The following BPIFC variants were observed in gnomAD, a reference collection of about 807,000 sequenced individuals.
BPIFC encodes the protein BPI fold-containing family C protein.
In BPIFC, 60 loss-of-function variants were observed where a neutral mutation model predicts 57.6. The ratio of observed to expected loss-of-function variants is 1.04; its 90% CI spans 0.85 to 1.29. The LOEUF (loss-of-function observed/expected upper bound fraction) is 1.29. Among genes scored for constraint, BPIFC ranks in the 50% most tolerant of loss-of-function variants. BPIFC has a pLI of 0.00. For missense variants in BPIFC, 581 were observed against 600.5 expected, an observed-to-expected ratio of 0.97 and a Z score of 0.34; for synonymous variants, 243 against 224.5, an observed-to-expected ratio of 1.08 and a Z score of -0.74.
Position 32,447,206 on chromosome 22 carries a change from A to G in BPIFC, c.374+6T>C, listed in dbSNP as rs201306836. On this transcript the variant is annotated splice_donor_region_variant and intron_variant, in intron 5 of 16. Transcript: ENST00000300399. ...ACAGCTGCAGACATTTCAGTGGAAT[A>G]CTCACAAAAGTGGAGACTCGAACCC... The G allele has an allele frequency of 1.9e-6, 3 of 1,585,888 alleles. No individual in the cohort carries two copies. The highest frequency in any genetic ancestry group is 2.6e-6 in the Non-Finnish European group (3 of 1,166,160).
At position 32,461,665 on chromosome 22, in the gene BPIFC, G is replaced by A. The variant is rs1271485261; in HGVS notation, c.-88-4C>T. The A allele has an allele frequency of 2.0e-6, 2 of 985,290 alleles. No homozygotes were observed. Among genetic ancestry groups the A allele is most frequent in the Non-Finnish European group, 2.4e-6 (2 of 829,806 alleles). 61.0% of individuals were successfully genotyped at this position (985,290 alleles called of 1,614,324 possible). A position where few individuals can be genotyped will look rare whatever the true frequency, so the allele number is the denominator to read the frequency against. On this transcript the variant is annotated splice_polypyrimidine_tract_variant and splice_region_variant and intron_variant, in intron 1 of 16. Coordinates refer to ENST00000300399, the MANE Select transcript of BPIFC (RefSeq NM_174932.3). ...CTTGGAGGTTAGTCAAGGTGTCCTG[G>A]AAAGGGGGATAAGTAGAGATGAACT...
At chr22:32,419,230 C>T (rs768276552) in intron 14 of BPIFC, 132 bp downstream of exon 14, 174 of 951,028 alleles carry the variant, frequency 1.8e-4, no homozygotes, top group Non-Finnish European at 2.5e-4. Context: ...TAAAGAATTT[C>T]AAAGTTAAGT....
Position 32,457,383 on chromosome 22 carries a change from A to G in BPIFC, c.4T>C (p.Cys2Arg), listed in dbSNP as rs1388048386. Residue 2 changes from cysteine to arginine, a missense_variant, in exon 3 of 17, where the codon TGT (cysteine) becomes CGT (arginine). Coordinates refer to ENST00000300399, the MANE Select transcript of BPIFC (RefSeq NM_174932.3). ...CAGAGGACTGGGATTGTCTTTGTAC[A>G]CATCTGAAATTAACCAACAGTTAAG... Reference protein sequence around the residue: MCTKTIPVLWGC... With the variant: MRTKTIPVLWGC... 2 of 1,607,098 alleles carry G rather than the reference A, an allele frequency of 1.2e-6. No individual in the cohort carries two copies. The highest frequency in any genetic ancestry group is 1.3e-5 in the African/African-American group (1 of 74,520).
Position 32,464,384 on chromosome 22 carries a change from G to A in BPIFC, c.-99C>T, listed in dbSNP as rs1378422613. On this transcript the variant is annotated 5_prime_UTR_variant, in exon 1 of 17. Coordinates refer to ENST00000300399, the MANE Select transcript of BPIFC (RefSeq NM_174932.3). ...GTTCATGAGTCTTACCTCAAGCAGA[G>A]GAAGTGTCCAAAGCTGGAGAGCACC... 7.1e-6 allele frequency: 7 copies of A among 985,134 alleles called. No homozygotes were observed. The highest frequency in any genetic ancestry group is 1.7e-5 in the African/African-American group (1 of 57,190). The allele number at this position is 985,134 out of a possible 1,614,324, so 61.0% of individuals were successfully genotyped here. A position where few individuals can be genotyped will look rare whatever the true frequency, so the allele number is the denominator to read the frequency against.
chr22:32,457,147 C>T (rs1183857984), intron 3 of BPIFC, 116 bp downstream of exon 3: 1 of 1,243,146 alleles, frequency 8.0e-7, no homozygotes, highest in Non-Finnish European at 1.1e-6. Context: ...TACTGGATCA[C>T]CCCACAGTAC....
chr22:32,450,014 G>T (rs1432346352), intron 4 of BPIFC, among the ~76,000 whole-genome samples: 2 of 151,924 alleles, frequency 1.3e-5, no homozygotes, highest in African/African-American at 2.4e-5. Context: ...GATTACAAGC[G>T]TGAGCCATCA....
At chr22:32,463,718 A>G (rs942539323) in intron 1 of BPIFC, among the ~76,000 whole-genome samples, 2 of 152,248 alleles carry the variant, frequency 1.3e-5, no homozygotes, top group African/African-American at 4.8e-5. Flanking sequence ...AAATGACCGT[A>G]CATAAGAAGT....
At position 32,418,033 on chromosome 22, in the gene BPIFC, C is replaced by T. The variant is rs1403636664; in HGVS notation, c.1261-885G>A. On this transcript the variant is annotated intron_variant, in intron 14 of 16. Coordinates refer to ENST00000300399, the MANE Select transcript of BPIFC (RefSeq NM_174932.3). Reference sequence around the variant, plus strand: ...ACTATTATGCTACACTGCCTCTTGACGTAAAAATGACAATAACTGAAATAA... The same window carrying T: ...ACTATTATGCTACACTGCCTCTTGATGTAAAAATGACAATAACTGAAATAA... Among the ~76,000 whole-genome samples the T allele has an allele frequency of 4.6e-5, 7 of 152,082 alleles. No homozygotes were observed. The East Asian group carries it at 5.8e-4, about 13-fold the overall frequency.
chr22:32,438,382 GTTTTGTTTTTTGTT>G (rs917506288), intron 8 of BPIFC, among the ~76,000 whole-genome samples: 1 of 152,140 alleles, frequency 6.6e-6, no homozygotes, highest in African/African-American at 2.4e-5. Flanking sequence ...TGCATGTATA[GTTTTGTTTTTTGTT>G]TTTTGTTTTT....
chr22:32,415,479 C>A (rs1933646949), intron 16 of BPIFC, among the ~76,000 whole-genome samples: 1 of 152,140 alleles, frequency 6.6e-6, no homozygotes, highest in Non-Finnish European at 1.5e-5. Flanking sequence ...AAGGTGTGTG[C>A]CTTTGGTTCA....
At chr22:32,414,482 CT>C in intron 16 of BPIFC, 57 bp from the exon 17 acceptor site, 1 of 1,584,754 alleles carries the variant, frequency 6.3e-7, no homozygotes, top group South Asian at 1.2e-5. Flanking sequence ...CTGGGTTTGT[CT>C]GAGGCGTGAG....
chr22:32,424,042 A>G (rs1317208984), intron 13 of BPIFC, among the ~76,000 whole-genome samples: 1 of 151,998 alleles, frequency 6.6e-6, no homozygotes, highest in Non-Finnish European at 1.5e-5. Flanking sequence ...GGGAAAAAGA[A>G]TGAAATACTA....
intron 13 of BPIFC, among the ~76,000 whole-genome samples, chr22:32,428,894 A>G (rs1384783635): frequency 6.7e-6 from 1 of 149,108 alleles, no homozygotes; most frequent in Non-Finnish European, 1.5e-5. Context: ...GTAACACTCC[A>G]TCTCAAAAAA....
In BPIFC at chr22:32,457,381, A is replaced by T; in HGVS notation, c.6T>A (p.Cys2Ter). The T allele has an allele frequency of 3.1e-6, 5 of 1,608,866 alleles. No homozygotes were observed. Among genetic ancestry groups the T allele is most frequent in the Non-Finnish European group, 4.2e-6 (5 of 1,178,632 alleles). Residue 2 changes from cysteine (C) to a stop codon, truncating the protein, a stop_gained, in exon 3 of 17, where the codon TGT (cysteine) becomes TGA (stop). Transcript: ENST00000300399. LOFTEE classifies it high-confidence loss of function. M[C>*]TKTIPVLWGC... ...CCCAGAGGACTGGGATTGTCTTTGT[A>T]CACATCTGAAATTAACCAACAGTTA...
intron 13 of BPIFC, among the ~76,000 whole-genome samples, chr22:32,421,871 A>G (rs1933855441): frequency 6.6e-6 from 1 of 152,232 alleles, no homozygotes; most frequent in African/African-American, 2.4e-5. Context: ...CAAAATACAA[A>G]GAGGAACTTG....
Position 32,415,959 on chromosome 22 carries a change from G to A in BPIFC, c.1357C>T (p.Pro453Ser). The A allele has an allele frequency of 1.3e-6, 2 of 1,594,962 alleles. No homozygotes were observed. The highest frequency in any genetic ancestry group is 2.3e-5 in the South Asian group (2 of 87,896). Residue 453 changes from proline (P) to serine (S), a missense_variant, in exon 16 of 17, where the codon CCA becomes TCA. Coordinates refer to ENST00000300399, the MANE Select transcript of BPIFC (RefSeq NM_174932.3). Reference sequence around the variant, plus strand: ...GAATTGACGAATAAGAATTTGTGTGGATTGGACAGAGGAAATCCTTGCTGC... The same window carrying A: ...GAATTGACGAATAAGAATTTGTGTGAATTGGACAGAGGAAATCCTTGCTGC... ...KLQQGFPLSNPHKFLFVNSDI... is the reference protein window; with the variant it reads ...KLQQGFPLSNSHKFLFVNSDI...
At chr22:32,454,083 C>T (rs974517225) in intron 3 of BPIFC, among the ~76,000 whole-genome samples, 6 of 152,198 alleles carry the variant, frequency 3.9e-5, no homozygotes, top group African/African-American at 1.4e-4. Context: ...TGTACTCTAA[C>T]CTGGGCAGTA....
intron 13 of BPIFC, among the ~76,000 whole-genome samples, chr22:32,424,211 T>G (rs1933931500): frequency 2.6e-5 from 4 of 152,200 alleles, no homozygotes; most frequent in Admixed American, 2.6e-4. Context: ...TTAAGTAACT[T>G]GCTTAAGGTC....
chr22:32,464,008 C>G (rs1974808065), intron 1 of BPIFC, among the ~76,000 whole-genome samples: 1 of 152,086 alleles, frequency 6.6e-6, no homozygotes, highest in African/African-American at 2.4e-5. Flanking sequence ...TTTTGAGAGA[C>G]AAGATAGAAT....
Sources: allele counts gnomAD v4.1 joint callset (sites outside exome capture counted in the v4.1 genomes callset), GRCh38; gene constraint gnomAD v4.1.1; transcripts MANE v1.5; gene names NCBI Gene and HGNC (gene_info 2026-07-23, HGNC 2026-07-21).